Variants in MMP15 observed in about 807,000 individuals in gnomAD.
The protein encoded by MMP15 is matrix metallopeptidase 15, also known as matrix metalloproteinase-15.
MMP15 carries 36 observed loss-of-function variants against 65.0 expected under a neutral mutation model. That is an observed-to-expected ratio of 0.55 (90% CI 0.42 to 0.73). The LOEUF (loss-of-function observed/expected upper bound fraction) is 0.73. Ranked by LOEUF, MMP15 falls within the 30% of genes least tolerant of loss-of-function variation. The pLI is 0.00. For missense variants in MMP15, 870 were observed against 987.8 expected, an observed-to-expected ratio of 0.88 and a Z score of 1.60; for synonymous variants, 428 against 410.2, an observed-to-expected ratio of 1.04 and a Z score of -0.52.
intron 5 of MMP15, 185 bp downstream of exon 5, chr16:58,040,883 C>T (rs1422717661): frequency 5.6e-6 from 5 of 893,112 alleles, no homozygotes; most frequent in African/African-American, 1.6e-5. Context: ...GGCAGGCTGC[C>T]TCCAGGGCCT....
Position 58,026,265 on chromosome 16 carries a change from C to T in MMP15, c.-86C>T. The T allele has an allele frequency of 1.6e-6, 2 of 1,225,900 alleles. No homozygotes were observed. The highest frequency in any genetic ancestry group is 2.0e-6 in the Non-Finnish European group (2 of 979,694). The allele number at this position is 1,225,900 out of a possible 1,614,324, so 75.9% of individuals were successfully genotyped here. ...CGAGGTCCGCGGCGCGCCTGCCGGG[C>T]CAGGAGCCAGGGAGCGTCGCAAGTT... On this transcript the variant is annotated 5_prime_UTR_variant, in exon 1 of 10. Coordinates refer to ENST00000219271, the MANE Select transcript of MMP15 (RefSeq NM_002428.4).
At chr16:58,039,038 G>A (rs370862555) in intron 3 of MMP15, among the ~76,000 whole-genome samples, 1 of 152,214 alleles carries the variant, frequency 6.6e-6, no homozygotes, top group Admixed American at 6.5e-5. Flanking sequence ...CTCACCATAC[G>A]TCATCAAATG....
chr16:58,038,095 A>G (rs529301625), intron 2 of MMP15, among the ~76,000 whole-genome samples, 171 bp from the exon 3 acceptor site: 2 of 152,328 alleles, frequency 1.3e-5, no homozygotes, highest in East Asian at 1.9e-4. Flanking sequence ...CAGTCTTCCA[A>G]TACAGGCATT....
rs1338280719 is a variant in MMP15 at position 58,045,275 on chromosome 16, G to C, written c.1839G>C (p.Val613=). 2.5e-6 allele frequency: 4 copies of C among 1,610,654 alleles called. No individual in the cohort carries two copies. Among genetic ancestry groups the C allele is most frequent in the East Asian group, 2.2e-5 (1 of 44,792 alleles). ...AGVNKDGGSR[V]VVQMEEVART... ...TCAACAAGGACGGGGGCAGCCGCGT[G>C]GTGGTGCAGATGGAGGAGGTGGCAC... Residue 613 remains valine (V), a synonymous_variant, in exon 10 of 10, where the codon GTG becomes GTC. Coordinates refer to ENST00000219271, the MANE Select transcript of MMP15 (RefSeq NM_002428.4).
chr16:58,043,889 G>A (rs920917978), intron 9 of MMP15, among the ~76,000 whole-genome samples: 2 of 152,194 alleles, frequency 1.3e-5, no homozygotes, highest in African/African-American at 2.4e-5. Flanking sequence ...AGGAAGGTGC[G>A]GCGTCAGGAT....
intron 1 of MMP15, among the ~76,000 whole-genome samples, chr16:58,036,104 C>T (rs1419988057): frequency 2.6e-5 from 4 of 152,216 alleles, no homozygotes; most frequent in East Asian, 1.9e-4. Flanking sequence ...CCTCACCTCC[C>T]AGAGCACTCA....
At chr16:58,037,110 A>C (rs1959346856) in intron 1 of MMP15, among the ~76,000 whole-genome samples, 1 of 152,252 alleles carries the variant, frequency 6.6e-6, no homozygotes, top group South Asian at 2.1e-4. Context: ...CAGGAAGTGC[A>C]AAGGCCCTGC....
chr16:58,037,461 C>T lies in MMP15; in HGVS notation c.163-11C>T. The T allele has an allele frequency of 6.2e-7, 1 of 1,612,874 alleles. No individual in the cohort carries two copies. On this transcript the variant is annotated splice_polypyrimidine_tract_variant and intron_variant, in intron 1 of 9. Coordinates refer to ENST00000219271, the MANE Select transcript of MMP15 (RefSeq NM_002428.4). ...CCAGGACCTGCTGACAGAGTTGCGG[C>T]TTCTTTGCAGAACTGGCTGCGGCTT...
rs1959432347 is a variant in MMP15 at position 58,040,583 on chromosome 16, G to A, written c.795G>A (p.Leu265=). ...LVAVHELGHA[L]GLEHSSNPNA... ...CAGTGCATGAGCTGGGCCACGCGCTGGGGCTGGAGCACTCCAGCAACCCCA... is the reference window on the plus strand; with the variant it reads ...CAGTGCATGAGCTGGGCCACGCGCTAGGGCTGGAGCACTCCAGCAACCCCA... Residue 265 remains leucine, a synonymous_variant, in exon 5 of 10, where the codon CTG becomes CTA. Coordinates refer to ENST00000219271, the MANE Select transcript of MMP15 (RefSeq NM_002428.4). 1 of 1,613,960 alleles carries A rather than the reference G, an allele frequency of 6.2e-7. No individual in the cohort carries two copies. The highest frequency in any genetic ancestry group is 2.2e-5 in the East Asian group (1 of 44,884).
At position 58,043,242 on chromosome 16, in the gene MMP15, C is replaced by T. The variant is rs1351158371; in HGVS notation, c.1336C>T (p.Leu446=). The T allele has an allele frequency of 6.2e-7, 1 of 1,601,366 alleles. No individual in the cohort carries two copies. Among genetic ancestry groups the T allele is most frequent in the Non-Finnish European group, 8.5e-7 (1 of 1,173,384 alleles). The change falls in exon 8 of 10, where the codon CTG becomes TTG. Residue 446 remains leucine (L), a synonymous_variant. Coordinates refer to ENST00000219271, the MANE Select transcript of MMP15 (RefSeq NM_002428.4). The part of the protein sequence containing the change: ...DRYWLFREAN[L]EPGYPQPLTS... ...CTACTGGCTCTTTCGAGAAGCGAAC[C>T]TGGAGCCCGGCTACCCACAGCCGCT...
intron 1 of MMP15, among the ~76,000 whole-genome samples, chr16:58,028,048 T>G (rs1963847411): frequency 6.6e-6 from 1 of 152,218 alleles, no homozygotes; most frequent in Non-Finnish European, 1.5e-5. Flanking sequence ...TACTTAGGGA[T>G]GGCGTCAATA....
chr16:58,042,504 G>A, intron 7 of MMP15, 135 bp downstream of exon 7: 2 of 1,281,936 alleles, frequency 1.6e-6, no homozygotes, highest in Admixed American at 4.5e-5. Flanking sequence ...CTCACTCTGG[G>A]AGGATGAGGA....
chr16:58,028,843 C>T (rs1963859630), intron 1 of MMP15, among the ~76,000 whole-genome samples: 1 of 152,246 alleles, frequency 6.6e-6, no homozygotes, highest in Non-Finnish European at 1.5e-5. Context: ...CCCTAGCCCA[C>T]CACTGAGCTG....
At chr16:58,027,589 C>T (rs923904548) in intron 1 of MMP15, among the ~76,000 whole-genome samples, 8 of 152,224 alleles carry the variant, frequency 5.3e-5, no homozygotes, top group African/African-American at 1.7e-4. Flanking sequence ...ATTTGCAGCT[C>T]AGCTGGTGCT....
chr16:58,041,101 T>C (rs1015613404), intron 5 of MMP15, among the ~76,000 whole-genome samples: 2 of 152,186 alleles, frequency 1.3e-5, no homozygotes, highest in African/African-American at 4.8e-5. Flanking sequence ...CACTTCCCAG[T>C]GGCTTTGAGG....
At chr16:58,036,759 C>T (rs1158041310) in intron 1 of MMP15, among the ~76,000 whole-genome samples, 1 of 152,220 alleles carries the variant, frequency 6.6e-6, no homozygotes, top group Non-Finnish European at 1.5e-5. Context: ...CTTTGGGGAG[C>T]AGTGCCAAAG....
At chr16:58,040,985 T>C (rs1225676823) in intron 5 of MMP15, 1 of 504,120 alleles carries the variant, frequency 2.0e-6, no homozygotes, top group Non-Finnish European at 3.6e-6. Flanking sequence ...CTTGGCAGTA[T>C]TCTTACTAGA....
intron 8 of MMP15, 51 bp downstream of exon 8, chr16:58,043,411 C>A: frequency 6.3e-7 from 1 of 1,592,320 alleles, no homozygotes; most frequent in Non-Finnish European, 8.6e-7. Context: ...CTAGGCCCCC[C>A]TCAACCTCAG....
Position 58,026,215 on chromosome 16 carries a change from G to GCGGCTCCGGCGGGGACCGGGAGCC in MMP15, c.-133_-110dup. 1.0e-6 allele frequency: 1 copy of GCGGCTCCGGCGGGGACCGGGAGCC among 999,466 alleles called. No homozygotes were observed. Among genetic ancestry groups the GCGGCTCCGGCGGGGACCGGGAGCC allele is most frequent in the Non-Finnish European group, 1.3e-6 (1 of 775,914 alleles). 61.9% of individuals were successfully genotyped at this position (999,466 alleles called of 1,614,324 possible). ...TTGGGAATTTGCCGAGGCGACCTAG[G>GCGGCTCCGGCGGGGACCGGGAGCC]CGGCTCCGGCGGGGACCGGGAGCCC... On this transcript the variant is annotated 5_prime_UTR_variant, in exon 1 of 10. Coordinates refer to ENST00000219271, the MANE Select transcript of MMP15 (RefSeq NM_002428.4).
Sources: allele counts gnomAD v4.1 joint callset (sites outside exome capture counted in the v4.1 genomes callset), GRCh38; gene constraint gnomAD v4.1.1; transcripts MANE v1.5; gene names NCBI Gene and HGNC (gene_info 2026-07-23, HGNC 2026-07-21).